The following SLC25A16 variants were observed in gnomAD, a reference collection of about 807,000 sequenced individuals.
The protein encoded by SLC25A16 is mitochondrial coenzyme A transporter SLC25A16.
SLC25A16 carries 39 observed loss-of-function variants against 41.5 expected under a neutral mutation model. That is an observed-to-expected ratio of 0.94 (90% CI 0.73 to 1.23). The LOEUF is 1.23. SLC25A16 is among the 50% of genes most tolerant of loss of function. The pLI, the probability that SLC25A16 is intolerant of heterozygous loss-of-function variation, is 0.00. For synonymous variants in SLC25A16, 146 were observed against 147.8 expected, an observed-to-expected ratio of 0.99 and a Z score of 0.09; for missense variants, 421 against 426.9, an observed-to-expected ratio of 0.99 and a Z score of 0.12.
Position 68,519,229 on chromosome 10 carries a change from C to T in SLC25A16, c.131-2386G>A, listed in dbSNP as rs927770002. ...AAAGGCTGGGCGCAGTGGCTCATGCCTGTAATCCCAGCACTTTGGGAGGCC... is the reference window on the plus strand; with the variant it reads ...AAAGGCTGGGCGCAGTGGCTCATGCTTGTAATCCCAGCACTTTGGGAGGCC... On this transcript the variant is annotated intron_variant, in intron 1 of 8. Coordinates refer to ENST00000609923, the MANE Select transcript of SLC25A16 (RefSeq NM_152707.4). 2.0e-5 allele frequency among the ~76,000 whole-genome samples: 3 copies of T among 152,056 alleles called. No individual in the cohort carries two copies. The East Asian group carries it at 5.8e-4, about 29-fold the overall frequency.
chr10:68,514,487 C>T (rs1248257260), intron 2 of SLC25A16, among the ~76,000 whole-genome samples: 1 of 152,140 alleles, frequency 6.6e-6, no homozygotes, highest in Non-Finnish European at 1.5e-5. Flanking sequence ...CACAGTGAAA[C>T]TCCATCTCAA....
At chr10:68,509,736 T>C (rs1457062234) in intron 2 of SLC25A16, among the ~76,000 whole-genome samples, 1 of 132,734 alleles carries the variant, frequency 7.5e-6, no homozygotes, top group Non-Finnish European at 1.6e-5. Context: ...TCTATCTATA[T>C]ATATATCTAT....
Position 68,527,499 on chromosome 10 carries a change from G to T in SLC25A16, c.-124C>A, listed in dbSNP as rs1198432496. The T allele has an allele frequency of 1.1e-6, 1 of 934,200 alleles. No homozygotes were observed. The highest frequency in any genetic ancestry group is 3.6e-5 in the Admixed American group (1 of 27,962). 57.9% of individuals were successfully genotyped at this position (934,200 alleles called of 1,614,324 possible). A position where few individuals can be genotyped will look rare whatever the true frequency, so the allele number is the denominator to read the frequency against. ...CCGGCGGGGCAAAGTAACACCCGGCGGCGCGGCGCCGGCTGATGGCGTACA... is the reference window on the plus strand; with the variant it reads ...CCGGCGGGGCAAAGTAACACCCGGCTGCGCGGCGCCGGCTGATGGCGTACA... On this transcript the variant is annotated 5_prime_UTR_variant, in exon 1 of 9. Coordinates refer to ENST00000609923, the MANE Select transcript of SLC25A16 (RefSeq NM_152707.4).
chr10:68,506,939 G>T (rs1312255886), intron 2 of SLC25A16, among the ~76,000 whole-genome samples: 1 of 151,184 alleles, frequency 6.6e-6, no homozygotes, highest in African/African-American at 2.5e-5. Context: ...AAAACCTACT[G>T]TAGAAACAAC....
chr10:68,493,476 A>C lies in SLC25A16; in HGVS notation c.516T>G (p.Ile172Met), dbSNP rs1446317915. The change falls in exon 5 of 9, where the codon ATT becomes ATG. Residue 172 changes from isoleucine to methionine, a missense_variant. Coordinates refer to ENST00000609923, the MANE Select transcript of SLC25A16 (RefSeq NM_152707.4). ...VKGEHSYTGI[I>M]HAFKTIYAKE... is the part of the protein sequence containing the mutation. ...TTGCATAAATTGTTTTGAAAGCATG[A>C]ATAATTCCTGTATAGCTGTGTTCCC... 6.2e-7 allele frequency: 1 copy of C among 1,613,458 alleles called. No individual in the cohort carries two copies. The highest frequency in any genetic ancestry group is 8.5e-7 in the Non-Finnish European group (1 of 1,179,488).
At chr10:68,502,346 A>G (rs771806418) in intron 4 of SLC25A16, among the ~76,000 whole-genome samples, 3 of 152,196 alleles carry the variant, frequency 2.0e-5, no homozygotes, top group Non-Finnish European at 2.9e-5. Flanking sequence ...AAACTTCTCT[A>G]TAGGGAAAAA....
chr10:68,488,691 C>T (rs750927064), intron 6 of SLC25A16, 62 bp from the exon 7 acceptor site: 63 of 1,301,940 alleles, frequency 4.8e-5, no homozygotes, highest in Non-Finnish European at 6.1e-5. Context: ...GAAAAAGACA[C>T]CATTCTTAAA....
chr10:68,500,411 G>A (rs191990105), intron 4 of SLC25A16, among the ~76,000 whole-genome samples: 3 of 152,124 alleles, frequency 2.0e-5, no homozygotes, highest in South Asian at 2.1e-4. Flanking sequence ...AGGTTCAAGC[G>A]ATTCTCCTGC....
intron 4 of SLC25A16, among the ~76,000 whole-genome samples, chr10:68,495,278 G>C (rs2052731188): frequency 6.6e-6 from 1 of 151,960 alleles, no homozygotes; most frequent in South Asian, 2.1e-4. Flanking sequence ...AGGTGTAATG[G>C]TGGGCACCTG....
At position 68,493,249 on chromosome 10, in the gene SLC25A16, T is replaced by C. The variant is rs542891705; in HGVS notation, c.544-51A>G. ...TGAGATTACATTGTGCTCATTATCATAAACATCAAAGAAAAAATCACACTT... is the reference window on the plus strand; with the variant it reads ...TGAGATTACATTGTGCTCATTATCACAAACATCAAAGAAAAAATCACACTT... On this transcript the variant is annotated intron_variant, in intron 5 of 8. Coordinates refer to ENST00000609923, the MANE Select transcript of SLC25A16 (RefSeq NM_152707.4). The C allele has an allele frequency of 3.8e-6, 5 of 1,314,578 alleles. No homozygotes were observed. In the African/African-American group the frequency reaches 5.9e-5, roughly 16 times the overall value. The allele number at this position is 1,314,578 out of a possible 1,614,324, so 81.4% of individuals were successfully genotyped here.
chr10:68,489,297 A>C (rs1364388883), intron 6 of SLC25A16, among the ~76,000 whole-genome samples: 1 of 152,178 alleles, frequency 6.6e-6, no homozygotes, highest in African/African-American at 2.4e-5. Flanking sequence ...AAACAAAAAA[A>C]CAGTGATGGT....
At chr10:68,495,461 T>C (rs543551120) in intron 4 of SLC25A16, among the ~76,000 whole-genome samples, 19 of 151,460 alleles carry the variant, frequency 1.3e-4, no homozygotes, top group Admixed American at 1.1e-3. Context: ...ATAATCAAAA[T>C]TGACCAAAAT....
chr10:68,483,591 G>GA lies in SLC25A16; in HGVS notation c.843-4dup. On this transcript the variant is annotated splice_region_variant and splice_polypyrimidine_tract_variant and intron_variant, in intron 8 of 8. Transcript: ENST00000609923. Reference sequence around the variant, plus strand: ...ACTTCATAGTATCCCGCATGGTACTGAAAGACAATGATTAAATGATGACCT... The same window carrying GA: ...ACTTCATAGTATCCCGCATGGTACTGAAAAGACAATGATTAAATGATGACCT... 1 of 1,582,696 alleles carries GA rather than the reference G, an allele frequency of 6.3e-7. No individual in the cohort carries two copies. Among genetic ancestry groups the GA allele is most frequent in the Non-Finnish European group, 8.6e-7 (1 of 1,165,936 alleles).
rs1285848493 is a variant in SLC25A16 at position 68,483,030 on chromosome 10, C to G, written c.*402G>C. On this transcript the variant is annotated 3_prime_UTR_variant, in exon 9 of 9. Transcript: ENST00000609923. ...AAATTCAATTCTCATTATTCTATTG[C>G]AATATAACCAACCCTGTTTATTTTA... The G allele has an allele frequency of 6.5e-6, 1 of 153,250 alleles. No homozygotes were observed. Among genetic ancestry groups the G allele is most frequent in the Non-Finnish European group, 1.5e-5 (1 of 68,886 alleles). The allele number at this position is 153,250 out of a possible 1,614,324, so 9.5% of individuals were successfully genotyped here.
At chr10:68,508,293 G>A (rs1381161341) in intron 2 of SLC25A16, among the ~76,000 whole-genome samples, 1 of 148,446 alleles carries the variant, frequency 6.7e-6, no homozygotes, top group African/African-American at 2.5e-5. Context: ...TATGTAAAAA[G>A]TAAAATGTAT....
At chr10:68,498,196 A>G (rs2052782220) in intron 4 of SLC25A16, among the ~76,000 whole-genome samples, 1 of 152,156 alleles carries the variant, frequency 6.6e-6, no homozygotes, top group African/African-American at 2.4e-5. Context: ...CTACATTCCA[A>G]TTTTCAAAAA....
At chr10:68,525,327 G>A (rs912368334) in intron 1 of SLC25A16, among the ~76,000 whole-genome samples, 1 of 151,936 alleles carries the variant, frequency 6.6e-6, no homozygotes, top group African/African-American at 2.4e-5. Flanking sequence ...GTAGAGACAG[G>A]GTTTCACCAT....
At chr10:68,514,991 G>A (rs1248739181) in intron 2 of SLC25A16, among the ~76,000 whole-genome samples, 1 of 151,100 alleles carries the variant, frequency 6.6e-6, no homozygotes, top group East Asian at 2.0e-4. Context: ...TCCTGCCTCA[G>A]CCTCCCAAAG....
chr10:68,502,411 T>C (rs1171036096), intron 4 of SLC25A16, among the ~76,000 whole-genome samples: 1 of 151,584 alleles, frequency 6.6e-6, no homozygotes, highest in Admixed American at 6.6e-5. Context: ...AATCTAAAAC[T>C]GGGAAATAAA....
Sources: gnomAD v4.1 joint callset for allele counts (sites outside exome capture counted in the v4.1 genomes callset) on GRCh38, gnomAD v4.1.1 for gene constraint, MANE v1.5 for transcripts, NCBI Gene and HGNC (gene_info 2026-07-23, HGNC 2026-07-21) for gene names.